Variants in TAFA1 observed in about 807,000 individuals in gnomAD.
The protein encoded by TAFA1 is TAFA chemokine like family member 1, also known as chemokine-like protein TAFA-1.
Under a neutral mutation model 18.5 loss-of-function variants are expected in TAFA1, and 4 were observed. The observed-to-expected ratio is 0.22, with a 90% CI of 0.11 to 0.49. The LOEUF is 0.49. TAFA1 is among the 20% of genes least tolerant of loss of function. The pLI, the probability that TAFA1 is intolerant of heterozygous loss-of-function variation, is 0.98. For missense variants in TAFA1, 147 were observed against 169.0 expected (o/e 0.87, Z 0.72); for synonymous variants, 56 against 55.2 (o/e 1.01, Z -0.06).
intron 2 of TAFA1, among the ~76,000 whole-genome samples, chr3:68,233,184 A>G (rs1164886011): frequency 6.6e-6 from 1 of 151,906 alleles, no homozygotes; most frequent in Non-Finnish European, 1.5e-5. Flanking sequence ...TACTTTGTCC[A>G]TTTTTTAATG....
intron 2 of TAFA1, among the ~76,000 whole-genome samples, chr3:68,193,675 T>C (rs893567701): frequency 6.6e-6 from 1 of 151,802 alleles, no homozygotes; most frequent in Admixed American, 6.6e-5. Context: ...AATAGGAAAA[T>C]ACAATTTTCT....
chr3:68,498,722 CTTTTTTTT>C lies in TAFA1; in HGVS notation c.260-40006_260-39999del, dbSNP rs34030223. On this transcript the variant is annotated intron_variant, in intron 3 of 4. Transcript: ENST00000478136. ...AATTCCTCCCAAAGCCGTTTGGTGGCTTTTTTTTTTTTTTTTTTTTTTTTTTTTTTTTT... is the reference window on the plus strand; with the variant it reads ...AATTCCTCCCAAAGCCGTTTGGTGGCTTTTTTTTTTTTTTTTTTTTTTTTT... Among the ~76,000 whole-genome samples the C allele has an allele frequency of 1.5e-3, 146 of 96,976 alleles. 1 individual carries two copies. The highest frequency in any genetic ancestry group is 6.7e-3 in the African/African-American group (139 of 20,832). 63.6% of individuals were successfully genotyped at this position (96,976 alleles called of 152,430 possible). A position where few individuals can be genotyped will look rare whatever the true frequency, so the allele number is the denominator to read the frequency against.
chr3:68,013,919 G>T (rs111958286), intron 2 of TAFA1, among the ~76,000 whole-genome samples: 17 of 152,162 alleles, frequency 1.1e-4, no homozygotes, highest in African/African-American at 3.6e-4. Context: ...TTTCTTTAAC[G>T]CAGGGAAGGA....
At chr3:68,132,546 C>T (rs1467038499) in intron 2 of TAFA1, among the ~76,000 whole-genome samples, 1 of 152,106 alleles carries the variant, frequency 6.6e-6, no homozygotes, top group East Asian at 1.9e-4. Flanking sequence ...CTGTTGTTTC[C>T]TATTTCTTAA....
At chr3:68,499,130 T>G (rs114875051) in intron 3 of TAFA1, among the ~76,000 whole-genome samples, 48 of 152,280 alleles carry the variant, frequency 3.2e-4, no homozygotes, top group Non-Finnish European at 5.6e-4. Flanking sequence ...AGCCTAGGTA[T>G]TAAAATATCT....
At chr3:68,333,751 A>G (rs2068922181) in intron 2 of TAFA1, among the ~76,000 whole-genome samples, 1 of 152,226 alleles carries the variant, frequency 6.6e-6, no homozygotes, top group African/African-American at 2.4e-5. Context: ...CATTATTCAC[A>G]ATAGCCAAGA....
chr3:68,428,613 CA>C (rs1442925047), intron 3 of TAFA1, among the ~76,000 whole-genome samples: 1 of 151,902 alleles, frequency 6.6e-6, no homozygotes, highest in African/African-American at 2.4e-5. Flanking sequence ...GGAACACTCT[CA>C]CCCTCCCCAT....
At chr3:68,018,196 C>A (rs1380741484) in intron 2 of TAFA1, among the ~76,000 whole-genome samples, 1 of 152,148 alleles carries the variant, frequency 6.6e-6, no homozygotes, top group Non-Finnish European at 1.5e-5. Flanking sequence ...TTGATGATCA[C>A]AGATGGAGAT....
At chr3:68,377,922 C>T (rs1389971602) in intron 2 of TAFA1, among the ~76,000 whole-genome samples, 7 of 152,284 alleles carry the variant, frequency 4.6e-5, no homozygotes, top group Admixed American at 4.6e-4. Flanking sequence ...GCAGCCTCCA[C>T]GTGGTGATGG....
chr3:68,139,010 C>T (rs577616502), intron 2 of TAFA1, among the ~76,000 whole-genome samples: 1 of 152,278 alleles, frequency 6.6e-6, no homozygotes, highest in African/African-American at 2.4e-5. Flanking sequence ...TTGTTAATTA[C>T]TGCCCTTGAG....
chr3:68,319,443 G>A (rs2068662249), intron 2 of TAFA1, among the ~76,000 whole-genome samples: 2 of 152,182 alleles, frequency 1.3e-5, no homozygotes, highest in South Asian at 2.1e-4. Flanking sequence ...CTGGCATCTA[G>A]TGGGTAGAAG....
At chr3:68,167,467 C>G (rs1392279859) in intron 2 of TAFA1, among the ~76,000 whole-genome samples, 1 of 150,800 alleles carries the variant, frequency 6.6e-6, no homozygotes, top group Non-Finnish European at 1.5e-5. Flanking sequence ...GTCCCAGCTA[C>G]TCGGGAGGCT....
intron 2 of TAFA1, among the ~76,000 whole-genome samples, chr3:68,311,227 A>C (rs982453321): frequency 6.6e-6 from 1 of 152,132 alleles, no homozygotes; most frequent in African/African-American, 2.4e-5. Context: ...AAAACGTGGG[A>C]ATTATGGGAG....
At chr3:68,000,410 T>C (rs1311542577), upstream of TAFA1, among the ~76,000 whole-genome samples, 1 of 152,214 alleles carries the variant, frequency 6.6e-6, no homozygotes, top group Admixed American at 6.5e-5. Context: ...TGACCTGATC[T>C]TGTCTGGAGT....
At chr3:68,356,562 G>A (rs2106785142) in intron 2 of TAFA1, among the ~76,000 whole-genome samples, 1 of 151,878 alleles carries the variant, frequency 6.6e-6, no homozygotes, top group East Asian at 1.9e-4. Flanking sequence ...CGTGTACTGG[G>A]CTGTAAGCTA....
intron 2 of TAFA1, among the ~76,000 whole-genome samples, chr3:68,121,859 C>T (rs1233276209): frequency 6.6e-6 from 1 of 152,000 alleles, no homozygotes; most frequent in African/African-American, 2.4e-5. Flanking sequence ...TTGCAGGCAT[C>T]CTGGAATGAG....
intron 2 of TAFA1, among the ~76,000 whole-genome samples, chr3:68,317,222 T>C (rs2068618567): frequency 6.6e-6 from 1 of 152,186 alleles, no homozygotes; most frequent in Non-Finnish European, 1.5e-5. Flanking sequence ...GGTCCTGCCT[T>C]TCCGAAGATT....
At position 68,333,807 on chromosome 3, in the gene TAFA1, G is replaced by T. The variant is rs149905372; in HGVS notation, c.119-83473G>T. Among the ~76,000 whole-genome samples, 7 of 152,214 alleles carry T rather than the reference G, an allele frequency of 4.6e-5. No homozygotes were observed. In the East Asian group the frequency reaches 1.4e-3, roughly 29 times the overall value. On this transcript the variant is annotated intron_variant, in intron 2 of 4. Transcript: ENST00000478136. Reference sequence around the variant, plus strand: ...TCATTAATGAATGAATGAAGAAATGGCATATTATTCAGCCTTACAAAAGAA... The same window carrying T: ...TCATTAATGAATGAATGAAGAAATGTCATATTATTCAGCCTTACAAAAGAA...
intron 2 of TAFA1, among the ~76,000 whole-genome samples, chr3:68,191,132 A>T (rs1482210023): frequency 6.6e-6 from 1 of 151,724 alleles, no homozygotes; most frequent in Non-Finnish European, 1.5e-5. Context: ...TTTTATGATG[A>T]GTCTATTGTG....
Sources: gnomAD v4.1 joint callset for allele counts (sites outside exome capture counted in the v4.1 genomes callset) on GRCh38, gnomAD v4.1.1 for gene constraint, MANE v1.5 for transcripts, NCBI Gene and HGNC (gene_info 2026-07-23, HGNC 2026-07-21) for gene names.